Variants in GRXCR1 observed in about 807,000 individuals in gnomAD.
The protein encoded by GRXCR1 is glutaredoxin and cysteine rich domain containing 1.
Under a neutral mutation model 27.3 loss-of-function variants are expected in GRXCR1, and 27 were observed. The observed-to-expected ratio is 0.99, with a 90% CI of 0.73 to 1.37. The LOEUF (loss-of-function observed/expected upper bound fraction) is 1.37. Ranked by LOEUF, GRXCR1 falls within the 40% of genes most tolerant of loss-of-function variation. The probability of loss-of-function intolerance (pLI) is 0.00; values close to 1 mark genes in which losing one functional copy is unlikely to be tolerated. For synonymous variants in GRXCR1, 122 were observed against 131.1 expected (o/e 0.93, Z 0.47); for missense variants, 379 against 354.4 (o/e 1.07, Z -0.56).
chr4:42,945,750 A>T (rs538506849), intron 1 of GRXCR1, among the ~76,000 whole-genome samples: 2 of 152,292 alleles, frequency 1.3e-5, no homozygotes, highest in African/African-American at 4.8e-5. Flanking sequence ...ACAAGCATTT[A>T]ACCACGTAGT....
intron 1 of GRXCR1, among the ~76,000 whole-genome samples, chr4:42,903,686 A>C (rs1308552105): frequency 6.8e-6 from 1 of 147,052 alleles, no homozygotes; most frequent in Admixed American, 7.2e-5. Context: ...TTTTCCCCTA[A>C]ATTTGCGCTT....
At chr4:42,938,041 G>T (rs996231676) in intron 1 of GRXCR1, among the ~76,000 whole-genome samples, 7 of 151,846 alleles carry the variant, frequency 4.6e-5, no homozygotes, top group Admixed American at 4.6e-4. Context: ...CTATATTTTT[G>T]TACTCACTGA....
intron 2 of GRXCR1, among the ~76,000 whole-genome samples, chr4:43,001,198 G>T (rs10452063): frequency 4.0e-5 from 6 of 151,366 alleles, no homozygotes; most frequent in African/African-American, 1.5e-4. Flanking sequence ...TTTTCCCCCC[G>T]GTGTACAATT....
At chr4:42,915,577 T>C (rs1456660094) in intron 1 of GRXCR1, among the ~76,000 whole-genome samples, 1 of 152,208 alleles carries the variant, frequency 6.6e-6, no homozygotes, top group African/African-American at 2.4e-5. Context: ...TCTCAGATCC[T>C]GTTACAAAAC....
At chr4:42,927,270 C>T (rs925873984) in intron 1 of GRXCR1, among the ~76,000 whole-genome samples, 1 of 151,872 alleles carries the variant, frequency 6.6e-6, no homozygotes, top group East Asian at 1.9e-4. Flanking sequence ...ATCTGAGAAC[C>T]ATGATTAAAA....
At chr4:42,964,656 G>C (rs1262766862) in intron 2 of GRXCR1, among the ~76,000 whole-genome samples, 2 of 152,002 alleles carry the variant, frequency 1.3e-5, no homozygotes, top group Non-Finnish European at 2.9e-5. Flanking sequence ...ATGTCTGTCT[G>C]ACTCCCCAAA....
At position 42,993,596 on chromosome 4, in the gene GRXCR1, A is replaced by C. The variant is rs191272638; in HGVS notation, c.628-26758A>C. On this transcript the variant is annotated intron_variant, in intron 2 of 3. Transcript: ENST00000399770. ...ACTTACATTGGCCTGCCGTTGGGCA[A>C]AATTATCTAATGCAAACTCTATTTT... Among the ~76,000 whole-genome samples the C allele has an allele frequency of 2.8e-3, 419 of 152,280 alleles. 9 individuals are homozygous for C. Among genetic ancestry groups the C allele is most frequent in the Non-Finnish European group, 9.6e-4 (65 of 67,976 alleles).
chr4:42,941,055 T>C lies in GRXCR1; in HGVS notation c.385-21837T>C, dbSNP rs548159137. Among the ~76,000 whole-genome samples, 308 of 152,134 alleles carry C rather than the reference T, an allele frequency of 2.0e-3. 1 individual carries two copies. The highest frequency in any genetic ancestry group is 6.5e-3 in the African/African-American group (272 of 41,542). ...TTCCTGTGTGTATAATTCTTATACA[T>C]ACAGAAATATAAATGGATTAATTTG... On this transcript the variant is annotated intron_variant, in intron 1 of 3. Transcript: ENST00000399770.
chr4:42,910,807 T>C (rs2109744684), intron 1 of GRXCR1, among the ~76,000 whole-genome samples: 1 of 152,264 alleles, frequency 6.6e-6, no homozygotes, highest in East Asian at 1.9e-4. Context: ...TACTTTGCTA[T>C]TTTATATTGT....
chr4:43,014,646 A>C (rs9995893), intron 2 of GRXCR1, among the ~76,000 whole-genome samples: 14,754 of 152,134 alleles, frequency 0.097, 1,485 homozygotes, highest in African/African-American at 0.26. Flanking sequence ...ATCCTTCTCA[A>C]TCCTCTATGT....
intron 2 of GRXCR1, among the ~76,000 whole-genome samples, chr4:42,968,459 CCA>C (rs950774756): frequency 6.6e-5 from 10 of 151,826 alleles, no homozygotes; most frequent in Admixed American, 3.9e-4. Flanking sequence ...TGGTTCTTTT[CCA>C]CACACACACA....
intron 2 of GRXCR1, among the ~76,000 whole-genome samples, chr4:42,999,528 A>G (rs1393413139): frequency 1.3e-5 from 2 of 152,124 alleles, no homozygotes; most frequent in African/African-American, 4.8e-5. Context: ...AGTAAAAACA[A>G]AGCATCTTTC....
At chr4:42,917,544 A>G (rs1055421465) in intron 1 of GRXCR1, among the ~76,000 whole-genome samples, 1 of 152,120 alleles carries the variant, frequency 6.6e-6, no homozygotes, top group Non-Finnish European at 1.5e-5. Context: ...TCTCCCTTAC[A>G]TAGGGAGAGT....
At chr4:43,000,320 A>G (rs1577938942) in intron 2 of GRXCR1, among the ~76,000 whole-genome samples, 2 of 151,970 alleles carry the variant, frequency 1.3e-5, no homozygotes, top group African/African-American at 4.8e-5. Context: ...TAGTAACAAT[A>G]CAAAAATTAG....
chr4:42,942,691 C>T (rs1252475389), intron 1 of GRXCR1, among the ~76,000 whole-genome samples: 1 of 152,068 alleles, frequency 6.6e-6, no homozygotes, highest in African/African-American at 2.4e-5. Flanking sequence ...GGTCTGGGAC[C>T]TGCATCACAG....
intron 2 of GRXCR1, among the ~76,000 whole-genome samples, chr4:42,973,838 T>C (rs1284794813): frequency 6.6e-6 from 1 of 152,072 alleles, no homozygotes; most frequent in Non-Finnish European, 1.5e-5. Flanking sequence ...ATTGTGAAGA[T>C]GAAATGAGAT....
chr4:43,012,386 C>G (rs968130478), intron 2 of GRXCR1, among the ~76,000 whole-genome samples: 1 of 152,148 alleles, frequency 6.6e-6, no homozygotes, highest in African/African-American at 2.4e-5. Flanking sequence ...CCCAACTACT[C>G]CATTCCCCTT....
chr4:42,918,042 GAAAGCAGCAGAGA>G (rs1439305075), intron 1 of GRXCR1, among the ~76,000 whole-genome samples: 1 of 152,026 alleles, frequency 6.6e-6, no homozygotes, highest in Non-Finnish European at 1.5e-5. Flanking sequence ...AAAAATAATG[GAAAGCAGCAGAGA>G]TCAGAATAAA....
chr4:42,940,838 C>T (rs1184404472), intron 1 of GRXCR1, among the ~76,000 whole-genome samples: 3 of 151,864 alleles, frequency 2.0e-5, no homozygotes, highest in African/African-American at 4.8e-5. Context: ...GATAGAGAGA[C>T]ATCAAAATAA....
Sources: gnomAD v4.1 joint callset for allele counts (sites outside exome capture counted in the v4.1 genomes callset) on GRCh38, gnomAD v4.1.1 for gene constraint, MANE v1.5 for transcripts, NCBI Gene and HGNC (gene_info 2026-07-23, HGNC 2026-07-21) for gene names.